The following GTF2I variants were observed in gnomAD, a reference collection of about 807,000 sequenced individuals.
GTF2I encodes general transcription factor II-I.
Under a neutral mutation model 67.6 loss-of-function variants are expected in GTF2I, and 12 were observed. That is an observed-to-expected ratio of 0.18 (90% CI 0.11 to 0.29). The LOEUF is 0.29. GTF2I is among the 10% of genes least tolerant of loss of function. The probability of loss-of-function intolerance (pLI) is 1.00; values close to 1 mark genes in which losing one functional copy is unlikely to be tolerated. For synonymous variants in GTF2I, 149 were observed against 197.0 expected, an observed-to-expected ratio of 0.76 and a Z score of 2.04; for missense variants, 271 against 580.1, an observed-to-expected ratio of 0.47 and a Z score of 5.47.
At chr7:74,726,598 C>G (rs1793811911) in intron 12 of GTF2I, 1 of 152,140 alleles carries the variant, frequency 6.6e-6, no homozygotes, top group Non-Finnish European at 1.5e-5. Flanking sequence ...AATCTCCGCA[C>G]TTTGGGAGGC....
chr7:74,715,914 A>G (rs1374280777), intron 10 of GTF2I, among the ~76,000 whole-genome samples: 6 of 152,120 alleles, frequency 3.9e-5, no homozygotes, highest in Middle Eastern at 3.2e-3. Flanking sequence ...TCAGACCGTA[A>G]GCATTGCTTT....
intron 1 of GTF2I, among the ~76,000 whole-genome samples, chr7:74,661,936 A>G (rs1184137761): frequency 6.6e-6 from 1 of 152,044 alleles, no homozygotes; most frequent in Non-Finnish European, 1.5e-5. Context: ...CATTTGTTAC[A>G]TTATCCTCTT....
chr7:74,677,341 T>G (rs1443966042), intron 1 of GTF2I, among the ~76,000 whole-genome samples: 1 of 152,164 alleles, frequency 6.6e-6, no homozygotes, highest in African/African-American at 2.4e-5. Context: ...AGAAATTACT[T>G]TGTAAAAGTT....
intron 1 of GTF2I, among the ~76,000 whole-genome samples, chr7:74,672,560 C>CA (rs1168165931): frequency 1.9e-3 from 288 of 149,800 alleles, no homozygotes; most frequent in African/African-American, 6.5e-3. Flanking sequence ...AACAAACAAA[C>CA]AAAAAAAAAC....
chr7:74,728,055 T>G (rs1323517325), intron 12 of GTF2I: 1 of 152,216 alleles, frequency 6.6e-6, no homozygotes, highest in Non-Finnish European at 1.5e-5. Flanking sequence ...ATCCCAGCAC[T>G]CTGGGTGGCC....
intron 3 of GTF2I, among the ~76,000 whole-genome samples, chr7:74,698,291 C>G (rs139113894): frequency 2.7e-5 from 4 of 150,136 alleles, no homozygotes; most frequent in Non-Finnish European, 5.9e-5. Flanking sequence ...GTGGTTTCAT[C>G]ATGTTGACCA....
intron 12 of GTF2I, among the ~76,000 whole-genome samples, chr7:74,721,744 T>C (rs1793032133): frequency 3.3e-5 from 5 of 152,040 alleles, no homozygotes; most frequent in Admixed American, 2.6e-4. Flanking sequence ...TACCCGTAGT[T>C]AGGAAATAAA....
chr7:74,676,365 C>G (rs1554392398), intron 1 of GTF2I, among the ~76,000 whole-genome samples: 1 of 152,112 alleles, frequency 6.6e-6, no homozygotes, highest in East Asian at 1.9e-4. Flanking sequence ...TGCCTGTAGT[C>G]CCAGCTAATT....
chr7:74,660,200 G>A (rs1363059269), intron 1 of GTF2I, among the ~76,000 whole-genome samples: 1 of 140,710 alleles, frequency 7.1e-6, no homozygotes, highest in Non-Finnish European at 1.5e-5. Flanking sequence ...TTTTTTTGCT[G>A]CTGTTGTTGA....
chr7:74,687,665 C>G, intron 1 of GTF2I: 1 of 476,578 alleles, frequency 2.1e-6, no homozygotes, highest in Non-Finnish European at 2.7e-6. Flanking sequence ...AATAGAGCAT[C>G]CTCTTTAATA....
At chr7:74,710,981 T>A in intron 8 of GTF2I, 51 bp from the exon 9 acceptor site, 1 of 864,340 alleles carries the variant, frequency 1.2e-6, no homozygotes, top group Non-Finnish European at 1.9e-6. Context: ...CCCTACACAA[T>A]CTAGCTGAAA....
At chr7:74,695,503 T>A (rs781962216) in intron 3 of GTF2I, among the ~76,000 whole-genome samples, 8 of 152,206 alleles carry the variant, frequency 5.3e-5, no homozygotes, top group Admixed American at 6.5e-5. Flanking sequence ...GCCACTAAGG[T>A]CTAAAGTTAA....
chr7:74,691,156 C>T, intron 3 of GTF2I, 45 bp downstream of exon 3: 5 of 1,357,090 alleles, frequency 3.7e-6, no homozygotes, highest in South Asian at 2.5e-5. Context: ...AATTTTAAGC[C>T]TAAATATTTG....
chr7:74,737,497 A>ATT (rs1794901782), intron 18 of GTF2I, among the ~76,000 whole-genome samples: 3 of 138,724 alleles, frequency 2.2e-5, no homozygotes, highest in Non-Finnish European at 4.8e-5. Flanking sequence ...GGCAGTCACG[A>ATT]AGTGGTCTCG....
At chr7:74,685,462 A>C (rs1787626636) in intron 1 of GTF2I, among the ~76,000 whole-genome samples, 1 of 152,064 alleles carries the variant, frequency 6.6e-6, no homozygotes, top group Non-Finnish European at 1.5e-5. Context: ...GCGCCATTGC[A>C]CTTCAGCCTG....
intron 6 of GTF2I, among the ~76,000 whole-genome samples, chr7:74,704,855 TAAAAAAAAAAAAAAAAAA>T (rs35715710): frequency 1.3e-5 from 1 of 76,958 alleles, no homozygotes; most frequent in East Asian, 4.8e-4. Context: ...ACCCTGTTTC[TAAAAAAAAAAAAAAAAAA>T]AAAAAAAAAA....
chr7:74,695,211 A>G (rs781912676), intron 3 of GTF2I, among the ~76,000 whole-genome samples: 4 of 152,156 alleles, frequency 2.6e-5, no homozygotes, highest in Non-Finnish European at 2.9e-5. Flanking sequence ...GCTCACTGCA[A>G]CCTCCATGAA....
intron 6 of GTF2I, among the ~76,000 whole-genome samples, chr7:74,703,548 T>C (rs1790129380): frequency 6.6e-6 from 1 of 152,100 alleles, no homozygotes; most frequent in East Asian, 1.9e-4. Context: ...CCCGGATAAC[T>C]TTAGTATTTT....
At chr7:74,679,451 C>T (rs1554393426) in intron 1 of GTF2I, among the ~76,000 whole-genome samples, 1 of 152,062 alleles carries the variant, frequency 6.6e-6, no homozygotes, top group East Asian at 1.9e-4. Flanking sequence ...GTTCAGTGTC[C>T]ACTATCATCT....
Sources: gnomAD v4.1 joint callset for allele counts (sites outside exome capture counted in the v4.1 genomes callset) on GRCh38, gnomAD v4.1.1 for gene constraint, MANE v1.5 for transcripts, NCBI Gene and HGNC (gene_info 2026-07-23, HGNC 2026-07-21) for gene names.